Variants in PIK3C2G observed in about 807,000 individuals in gnomAD.
PIK3C2G encodes the protein phosphatidylinositol-4-phosphate 3-kinase catalytic subunit type 2 gamma.
Under a neutral mutation model 181.1 loss-of-function variants are expected in PIK3C2G, and 168 were observed. That is an observed-to-expected ratio of 0.93 (90% CI 0.82 to 1.05). PIK3C2G has a LOEUF of 1.05. PIK3C2G is among the 50% of genes least tolerant of loss of function. The pLI, the probability that PIK3C2G is intolerant of heterozygous loss-of-function variation, is 0.00. For synonymous variants in PIK3C2G, 573 were observed against 592.2 expected (o/e 0.97, Z 0.47); for missense variants, 1,869 against 1,732.8 (o/e 1.08, Z -1.40).
chr12:18,552,045 G>C (rs1048812793), intron 26 of PIK3C2G, among the ~76,000 whole-genome samples: 1 of 152,092 alleles, frequency 6.6e-6, no homozygotes, highest in African/African-American at 2.4e-5. Flanking sequence ...ACTTTGAGCT[G>C]TGAGGGAAGT....
chr12:18,719,347 GTGCACTCT>G, the PIK3C2G span: 1 of 720,276 alleles, frequency 1.4e-6, no homozygotes, highest in Non-Finnish European at 2.1e-6. Flanking sequence ...TCTTTTTATT[GTGCACTCT>G]TGCCTACTGA....
intron 11 of PIK3C2G, among the ~76,000 whole-genome samples, chr12:18,357,254 A>G (rs1301977807): frequency 6.6e-6 from 1 of 151,968 alleles, no homozygotes; most frequent in Non-Finnish European, 1.5e-5. Context: ...GCTTTTACTT[A>G]TTAAGATTTT....
At chr12:18,542,959 T>A (rs1177775572) in intron 25 of PIK3C2G, among the ~76,000 whole-genome samples, 1 of 152,012 alleles carries the variant, frequency 6.6e-6, no homozygotes, top group Admixed American at 6.6e-5. Flanking sequence ...CTTTGAGGAA[T>A]CACCATACTG....
chr12:18,629,876 G>A (rs998981596), intron 31 of PIK3C2G, among the ~76,000 whole-genome samples: 1 of 152,008 alleles, frequency 6.6e-6, no homozygotes, highest in Non-Finnish European at 1.5e-5. Context: ...AAGAAATATT[G>A]CAATAGATAA....
chr12:18,378,247 T>C (rs1942589572), intron 13 of PIK3C2G, among the ~76,000 whole-genome samples: 2 of 152,080 alleles, frequency 1.3e-5, no homozygotes, highest in Non-Finnish European at 2.9e-5. Flanking sequence ...GACACAAATA[T>C]AACACATTCC....
At chr12:18,313,889 A>C in intron 5 of PIK3C2G, 73 bp from the exon 6 acceptor site, 1 of 798,884 alleles carries the variant, frequency 1.3e-6, no homozygotes, top group South Asian at 1.6e-5. Context: ...AAAGAAAATG[A>C]AGTCAGAGAG....
At chr12:18,276,189 A>G (rs1234092442) in intron 1 of PIK3C2G, among the ~76,000 whole-genome samples, 1 of 152,158 alleles carries the variant, frequency 6.6e-6, no homozygotes, top group Non-Finnish European at 1.5e-5. Context: ...GTACTCATGC[A>G]GCCCCCAGCA....
intron 31 of PIK3C2G, among the ~76,000 whole-genome samples, chr12:18,634,421 G>A (rs1265318584): frequency 6.6e-6 from 1 of 152,224 alleles, no homozygotes; most frequent in African/African-American, 2.4e-5. Flanking sequence ...CATTCTACAA[G>A]TCCATGGACG....
chr12:18,319,757 C>T (rs1951024245), intron 6 of PIK3C2G, among the ~76,000 whole-genome samples: 1 of 152,048 alleles, frequency 6.6e-6, no homozygotes, highest in Admixed American at 6.6e-5. Flanking sequence ...CTGTTTTTCA[C>T]TTTCCTATTT....
chr12:18,399,305 T>C (rs1023012966), intron 15 of PIK3C2G, among the ~76,000 whole-genome samples: 2 of 150,052 alleles, frequency 1.3e-5, no homozygotes, highest in African/African-American at 4.9e-5. Flanking sequence ...CTGTTCTAAA[T>C]AGGATGTGTC....
At chr12:18,466,008 T>G (rs549519176) in intron 18 of PIK3C2G, among the ~76,000 whole-genome samples, 4 of 151,778 alleles carry the variant, frequency 2.6e-5, no homozygotes, top group Admixed American at 2.0e-4. Context: ...AAAAATTTTA[T>G]TCCTGTTCTC....
At chr12:18,692,949 T>C in the PIK3C2G span, 1 of 1,502,504 alleles carries the variant, frequency 6.7e-7, no homozygotes, top group Non-Finnish European at 9.2e-7. Flanking sequence ...TCACACTCAG[T>C]GCCAGTTAAA....
chr12:18,596,937 T>A (rs1947399692), intron 30 of PIK3C2G, among the ~76,000 whole-genome samples: 1 of 152,158 alleles, frequency 6.6e-6, no homozygotes, highest in Non-Finnish European at 1.5e-5. Flanking sequence ...TTAAGTTGTT[T>A]CTGAAACATT....
chr12:18,270,990 G>T (rs1446512588), intron 1 of PIK3C2G, among the ~76,000 whole-genome samples: 1 of 151,610 alleles, frequency 6.6e-6, no homozygotes, highest in African/African-American at 2.4e-5. Flanking sequence ...ATTTTTTTAG[G>T]CTTCCTTTAC....
At chr12:18,632,146 G>A (rs1012518087) in intron 31 of PIK3C2G, among the ~76,000 whole-genome samples, 6 of 152,078 alleles carry the variant, frequency 3.9e-5, no homozygotes, top group African/African-American at 1.4e-4. Context: ...AGAATTATCT[G>A]TCCCAAAGAG....
chr12:18,436,606 A>T (rs1356432111), intron 18 of PIK3C2G, among the ~76,000 whole-genome samples: 3 of 152,024 alleles, frequency 2.0e-5, no homozygotes, highest in Non-Finnish European at 4.4e-5. Flanking sequence ...CTATTGAATG[A>T]ATAAAAATAA....
the PIK3C2G span, among the ~76,000 whole-genome samples, chr12:18,709,378 T>C: frequency 6.6e-6 from 1 of 152,126 alleles, no homozygotes; most frequent in Admixed American, 6.6e-5. Flanking sequence ...GGTCTATATG[T>C]CTGTTTTTCT....
At chr12:18,638,514 A>G (rs11830771) in intron 31 of PIK3C2G, among the ~76,000 whole-genome samples, 2,680 of 152,274 alleles carry the variant, frequency 0.018, 66 homozygotes, top group African/African-American at 0.061. Flanking sequence ...TTCAACTCGC[A>G]TTGTAATTCA....
At chr12:18,412,119 TG>T (rs1944899728) in intron 16 of PIK3C2G, among the ~76,000 whole-genome samples, 1 of 152,124 alleles carries the variant, frequency 6.6e-6, no homozygotes, top group Non-Finnish European at 1.5e-5. Context: ...GGACTGTAAA[TG>T]TTTGAGAAAA....
Sources: allele counts gnomAD v4.1 joint callset (sites outside exome capture counted in the v4.1 genomes callset), GRCh38; gene constraint gnomAD v4.1.1; transcripts MANE v1.5; gene names NCBI Gene and HGNC (gene_info 2026-07-23, HGNC 2026-07-21).